Variants in SPAG16 observed in about 807,000 individuals in gnomAD.
SPAG16 encodes sperm associated antigen 16.
In SPAG16, 86 loss-of-function variants were observed where a neutral mutation model predicts 80.4. The observed-to-expected ratio is 1.07, with a 90% CI of 0.90 to 1.28. The LOEUF (loss-of-function observed/expected upper bound fraction) is 1.28. SPAG16 is among the 50% of genes most tolerant of loss of function. The pLI, the probability that SPAG16 is intolerant of heterozygous loss-of-function variation, is 0.00. For synonymous variants in SPAG16, 294 were observed against 265.9 expected (o/e 1.11, Z -1.03); for missense variants, 870 against 765.3 (o/e 1.14, Z -1.61).
intron 10 of SPAG16, among the ~76,000 whole-genome samples, chr2:213,622,835 CTG>C (rs2061835145): frequency 1.6e-5 from 2 of 125,690 alleles, no homozygotes; most frequent in Admixed American, 7.7e-5. Context: ...GTGTGTGTGT[CTG>C]TGTATTTTTA....
chr2:214,186,763 TTTTG>T (rs2057492581), intron 15 of SPAG16, among the ~76,000 whole-genome samples: 1 of 152,082 alleles, frequency 6.6e-6, no homozygotes, highest in African/African-American at 2.4e-5. Flanking sequence ...TTTTTTGTTT[TTTTG>T]TTTTTTTTTT....
chr2:214,119,235 G>A (rs1392998111), intron 14 of SPAG16, among the ~76,000 whole-genome samples: 1 of 152,008 alleles, frequency 6.6e-6, no homozygotes, highest in African/African-American at 2.4e-5. Context: ...ATTCTCTTAT[G>A]GTATTAGAGC....
intron 14 of SPAG16, among the ~76,000 whole-genome samples, chr2:214,117,905 G>A (rs1222025732): frequency 6.6e-6 from 1 of 152,056 alleles, no homozygotes; most frequent in Non-Finnish European, 1.5e-5. Context: ...ATACTAAATA[G>A]GGAAAAGCTG....
intron 10 of SPAG16, among the ~76,000 whole-genome samples, chr2:213,840,912 G>A (rs1381470579): frequency 6.6e-6 from 1 of 152,124 alleles, no homozygotes; most frequent in Non-Finnish European, 1.5e-5. Context: ...AAAATAATAA[G>A]CATTATAAAT....
intron 15 of SPAG16, among the ~76,000 whole-genome samples, chr2:214,371,683 TA>T (rs1250510831): frequency 2.3e-3 from 129 of 55,760 alleles, no homozygotes; most frequent in African/African-American, 5.6e-3. Context: ...TTATAGATAA[TA>T]ATTTTTTTTT....
intron 11 of SPAG16, among the ~76,000 whole-genome samples, chr2:213,883,888 T>A (rs1341946289): frequency 2.6e-5 from 4 of 152,204 alleles, no homozygotes; most frequent in Non-Finnish European, 4.4e-5. Context: ...CCATTTACTT[T>A]GAGCCTGAGT....
intron 15 of SPAG16, among the ~76,000 whole-genome samples, chr2:214,309,120 G>A (rs571350082): frequency 5.3e-5 from 8 of 151,664 alleles, no homozygotes; most frequent in African/African-American, 1.7e-4. Flanking sequence ...TTCTCTACCT[G>A]TCTTATTTAA....
intron 9 of SPAG16, among the ~76,000 whole-genome samples, chr2:213,466,653 G>A (rs1256493095): frequency 1.3e-5 from 2 of 152,190 alleles, no homozygotes; most frequent in African/African-American, 4.8e-5. Context: ...TGACAGAGCT[G>A]AGTCTTAGAT....
At position 213,304,757 on chromosome 2, in the gene SPAG16, A is replaced by T. The variant is rs574535855; in HGVS notation, c.280-5302A>T. Among the ~76,000 whole-genome samples, 11 of 152,114 alleles carry T rather than the reference A, an allele frequency of 7.2e-5. No individual in the cohort carries two copies. The South Asian group carries it at 1.9e-3, about 26-fold the overall frequency. On this transcript the variant is annotated intron_variant, in intron 3 of 15. Transcript: ENST00000331683. ...GTATCTGTTTTTATACTAGTACCAT[A>T]CTGTTTTGTTTACTATAGCTCTGTA...
chr2:213,836,146 A>G (rs2074059541), intron 10 of SPAG16, among the ~76,000 whole-genome samples: 1 of 150,684 alleles, frequency 6.6e-6, no homozygotes, highest in Non-Finnish European at 1.5e-5. Context: ...AACCAATTCA[A>G]ACTAAAAACT....
At chr2:214,162,530 T>C (rs1010409451) in intron 15 of SPAG16, among the ~76,000 whole-genome samples, 1 of 152,126 alleles carries the variant, frequency 6.6e-6, no homozygotes, top group Non-Finnish European at 1.5e-5. Flanking sequence ...TATTTCTCTT[T>C]CTAATAAGTC....
At chr2:213,322,899 A>G (rs1220993760) in intron 5 of SPAG16, among the ~76,000 whole-genome samples, 1 of 152,098 alleles carries the variant, frequency 6.6e-6, no homozygotes, top group East Asian at 1.9e-4. Context: ...TGTGGTGAAG[A>G]CAGGTTGGCT....
chr2:213,384,883 G>A (rs2067346598), intron 9 of SPAG16, among the ~76,000 whole-genome samples: 1 of 152,126 alleles, frequency 6.6e-6, no homozygotes, highest in South Asian at 2.1e-4. Flanking sequence ...AGCGTTCTAT[G>A]GTTCAGGATA....
At chr2:213,313,339 T>C (rs1028633723) in intron 4 of SPAG16, among the ~76,000 whole-genome samples, 1 of 151,926 alleles carries the variant, frequency 6.6e-6, no homozygotes, top group African/African-American at 2.4e-5. Context: ...TTTAAGAAGG[T>C]GAAGCCTTAG....
At chr2:214,106,204 A>C (rs2053374976) in intron 13 of SPAG16, among the ~76,000 whole-genome samples, 1 of 152,320 alleles carries the variant, frequency 6.6e-6, no homozygotes, top group East Asian at 1.9e-4. Flanking sequence ...ACAAGTATTA[A>C]TATTACATCA....
chr2:214,306,099 A>G (rs914171476), intron 15 of SPAG16, among the ~76,000 whole-genome samples: 2 of 151,946 alleles, frequency 1.3e-5, no homozygotes, highest in African/African-American at 4.8e-5. Flanking sequence ...CACCTCCCTA[A>G]TAAGCTGTAT....
chr2:213,710,245 C>T (rs2065924674), intron 10 of SPAG16, among the ~76,000 whole-genome samples: 1 of 151,406 alleles, frequency 6.6e-6, no homozygotes, highest in Admixed American at 6.6e-5. Flanking sequence ...GATCGCACCA[C>T]TGCGCTCCAG....
chr2:213,792,409 T>A (rs2070754142), intron 10 of SPAG16, among the ~76,000 whole-genome samples: 1 of 152,124 alleles, frequency 6.6e-6, no homozygotes, highest in South Asian at 2.1e-4. Flanking sequence ...ATTTTCAACT[T>A]ACATTTGCCT....
chr2:213,474,084 C>T (rs932504633), intron 9 of SPAG16, among the ~76,000 whole-genome samples: 3 of 152,192 alleles, frequency 2.0e-5, no homozygotes, highest in African/African-American at 7.2e-5. Context: ...CACTACTGGG[C>T]ATGGGGATGC....
Sources: allele counts gnomAD v4.1 joint callset (sites outside exome capture counted in the v4.1 genomes callset), GRCh38; gene constraint gnomAD v4.1.1; transcripts MANE v1.5; gene names NCBI Gene and HGNC (gene_info 2026-07-23, HGNC 2026-07-21).